The following TNFSF4 variants were observed in gnomAD, a reference collection of about 807,000 sequenced individuals.
The protein encoded by TNFSF4 is tumor necrosis factor ligand superfamily member 4.
TNFSF4 carries 4 observed loss-of-function variants against 7.3 expected under a neutral mutation model. That is an observed-to-expected ratio of 0.55 (90% CI 0.27 to 1.25). The LOEUF (loss-of-function observed/expected upper bound fraction) is 1.25, where lower values mean the gene tolerates loss of function less well. Ranked by LOEUF, TNFSF4 falls within the 50% of genes most tolerant of loss-of-function variation. The probability of loss-of-function intolerance (pLI) is 0.12; values close to 1 mark genes in which losing one functional copy is unlikely to be tolerated. For missense variants in TNFSF4, 181 were observed against 208.8 expected (o/e 0.87, Z 0.82); for synonymous variants, 76 against 83.7 (o/e 0.91, Z 0.50).
chr1:173,197,215 A>C (rs1434967103), intron 1 of TNFSF4, among the ~76,000 whole-genome samples: 1 of 152,246 alleles, frequency 6.6e-6, no homozygotes, highest in Non-Finnish European at 1.5e-5. Flanking sequence ...GAACACTTTT[A>C]CACTGTTGGT....
intron 2 of TNFSF4, among the ~76,000 whole-genome samples, chr1:173,188,124 A>T (rs531554941): frequency 6.6e-6 from 1 of 152,344 alleles, no homozygotes; most frequent in African/African-American, 2.4e-5. Context: ...GCTTCCCCCA[A>T]CTTTCATTAA....
At chr1:173,264,442 G>A in the TNFSF4 span, among the ~76,000 whole-genome samples, 7 of 150,030 alleles carry the variant, frequency 4.7e-5, no homozygotes, top group African/African-American at 1.2e-4. Context: ...GGTGTAAGCC[G>A]CCATGCCTGG....
chr1:173,412,781 G>C, the TNFSF4 span, among the ~76,000 whole-genome samples: 1 of 152,212 alleles, frequency 6.6e-6, no homozygotes, highest in African/African-American at 2.4e-5. Context: ...AGGACTACAA[G>C]GGGAGGTGCT....
At chr1:173,364,898 GGT>G in the TNFSF4 span, among the ~76,000 whole-genome samples, 1 of 151,782 alleles carries the variant, frequency 6.6e-6, no homozygotes. Flanking sequence ...TATAAAATCA[GGT>G]ATAAGGCTAA....
the TNFSF4 span, among the ~76,000 whole-genome samples, chr1:173,297,107 T>A: frequency 6.6e-6 from 1 of 151,916 alleles, no homozygotes; most frequent in African/African-American, 2.4e-5. Flanking sequence ...TGATGTCTAG[T>A]GGGAGAGAAA....
the TNFSF4 span, among the ~76,000 whole-genome samples, chr1:173,439,326 C>T: frequency 9.9e-5 from 15 of 152,236 alleles, no homozygotes; most frequent in African/African-American, 2.4e-4. Context: ...CTGCTATTTA[C>T]TACCTATAAT....
upstream of TNFSF4, among the ~76,000 whole-genome samples, chr1:173,210,615 A>G (rs968883589): frequency 2.6e-5 from 4 of 152,134 alleles, no homozygotes; most frequent in African/African-American, 9.7e-5. Context: ...AAACATGGAG[A>G]GGTTTGAAGC....
chr1:173,351,723 A>G, the TNFSF4 span: 2 of 451,742 alleles, frequency 4.4e-6, no homozygotes, highest in Non-Finnish European at 4.0e-6. Flanking sequence ...CCGAAAGGAT[A>G]ATGAAGTTCA....
the TNFSF4 span, among the ~76,000 whole-genome samples, chr1:173,346,542 G>A: frequency 6.6e-6 from 1 of 152,288 alleles, no homozygotes; most frequent in East Asian, 1.9e-4. Context: ...CCTGGATGAT[G>A]TGGAGGGGGA....
the TNFSF4 span, among the ~76,000 whole-genome samples, chr1:173,379,801 G>C: frequency 6.6e-6 from 1 of 152,166 alleles, no homozygotes; most frequent in Non-Finnish European, 1.5e-5. Context: ...TTATCAGTGT[G>C]GTTTACAAGG....
At chr1:173,350,498 CTGA>C in the TNFSF4 span, among the ~76,000 whole-genome samples, 2 of 152,142 alleles carry the variant, frequency 1.3e-5, no homozygotes, top group Non-Finnish European at 2.9e-5. Flanking sequence ...CAGTTTCATT[CTGA>C]TGATAAGAAG....
the TNFSF4 span, among the ~76,000 whole-genome samples, chr1:173,355,496 A>T: frequency 6.6e-6 from 1 of 152,160 alleles, no homozygotes; most frequent in Non-Finnish European, 1.5e-5. Flanking sequence ...TCTTTGCAAA[A>T]GCCTGGCTAG....
At chr1:173,277,050 G>A in the TNFSF4 span, among the ~76,000 whole-genome samples, 3 of 152,116 alleles carry the variant, frequency 2.0e-5, no homozygotes, top group Non-Finnish European at 4.4e-5. Flanking sequence ...AGATGTTCCA[G>A]GTGTCTGTAA....
chr1:173,387,307 G>A, the TNFSF4 span, among the ~76,000 whole-genome samples: 36 of 152,256 alleles, frequency 2.4e-4, no homozygotes, highest in Non-Finnish European at 4.0e-4. Context: ...GGGCTCCACC[G>A]TCTTGGATGG....
At chr1:173,359,307 C>T in the TNFSF4 span, among the ~76,000 whole-genome samples, 17 of 152,084 alleles carry the variant, frequency 1.1e-4, 1 homozygote, top group African/African-American at 3.6e-4. Context: ...AGTCACTTCA[C>T]GCCTGGTCAT....
the TNFSF4 span, among the ~76,000 whole-genome samples, chr1:173,379,117 G>A: frequency 6.6e-6 from 1 of 152,136 alleles, no homozygotes; most frequent in African/African-American, 2.4e-5. Flanking sequence ...GGCCTTTAAT[G>A]AAAAGAATGC....
chr1:173,266,699 TATATTCCTCGTGTTTATTACAGTGTCAA>T, the TNFSF4 span, among the ~76,000 whole-genome samples: 1 of 152,198 alleles, frequency 6.6e-6, no homozygotes, highest in East Asian at 1.9e-4. Context: ...CATTTATTTT[TATATTCCTCGTGTTTATTACAGTGTCAA>T]ACGTTTAGGG....
the TNFSF4 span, among the ~76,000 whole-genome samples, chr1:173,330,747 T>C: frequency 6.6e-6 from 1 of 152,144 alleles, no homozygotes; most frequent in Admixed American, 6.5e-5. Context: ...AGAAGAAATA[T>C]AGATAGAAAA....
the TNFSF4 span, among the ~76,000 whole-genome samples, chr1:173,430,121 A>C: frequency 6.6e-6 from 1 of 152,238 alleles, no homozygotes; most frequent in Non-Finnish European, 1.5e-5. Flanking sequence ...AAGGCCTGCC[A>C]GCAGCCTACG....
Sources: gnomAD v4.1 joint callset for allele counts (sites outside exome capture counted in the v4.1 genomes callset) on GRCh38, gnomAD v4.1.1 for gene constraint, MANE v1.5 for transcripts, NCBI Gene and HGNC (gene_info 2026-07-23, HGNC 2026-07-21) for gene names.